SLIT2: variants seen among roughly 807,000 people sequenced by gnomAD.
The protein encoded by SLIT2 is slit guidance ligand 2, also known as slit homolog 2 protein.
Under a neutral mutation model 185.7 loss-of-function variants are expected in SLIT2, and 41 were observed. That is an observed-to-expected ratio of 0.22 (90% CI 0.17 to 0.29). The LOEUF is 0.29. Ranked by LOEUF, SLIT2 falls within the 10% of genes least tolerant of loss-of-function variation. The probability of loss-of-function intolerance (pLI) is 1.00; values close to 1 mark genes in which losing one functional copy is unlikely to be tolerated. For synonymous variants in SLIT2, 693 were observed against 680.2 expected, an observed-to-expected ratio of 1.02 and a Z score of -0.29; for missense variants, 1,571 against 1,909.0, an observed-to-expected ratio of 0.82 and a Z score of 3.30.
chr4:20,279,512 A>G (rs1008719809), intron 4 of SLIT2, among the ~76,000 whole-genome samples: 3 of 152,106 alleles, frequency 2.0e-5, no homozygotes, highest in Non-Finnish European at 4.4e-5. Context: ...GGTACAGACT[A>G]TTGATTCTAT....
rs367597996 is a variant in SLIT2, at chr4:20,515,765, T to TTA, written c.1059-3614_1059-3613dup. On this transcript the variant is annotated intron_variant, in intron 11 of 36. Coordinates refer to ENST00000504154, the MANE Select transcript of SLIT2 (RefSeq NM_004787.4). Reference sequence around the variant, plus strand: ...TAACACCTTTTTCATGATAGTCATCTTATAGGTTGCTGTTTTGGACATTTT... The same window carrying TTA: ...TAACACCTTTTTCATGATAGTCATCTTATATAGGTTGCTGTTTTGGACATTTT... Among the ~76,000 whole-genome samples the TTA allele has an allele frequency of 5.0e-3, 760 of 152,318 alleles. 5 individuals are homozygous for TTA. The highest frequency in any genetic ancestry group is 8.5e-3 in the Non-Finnish European group (575 of 68,030).
chr4:20,354,924 A>T (rs1056177851), intron 4 of SLIT2, among the ~76,000 whole-genome samples: 1 of 151,178 alleles, frequency 6.6e-6, no homozygotes, highest in East Asian at 2.0e-4. Context: ...AGAGAGAGAG[A>T]GAGAGAGAGA....
At chr4:20,472,524 C>A (rs370731965) in intron 5 of SLIT2, among the ~76,000 whole-genome samples, 31 of 7,648 alleles carry the variant, frequency 4.1e-3, no homozygotes, top group East Asian at 0.03. Flanking sequence ...AGATATATAT[C>A]TATATATAGA....
At position 20,283,115 on chromosome 4, in the gene SLIT2, C is replaced by CGT. The variant is rs1560281547; in HGVS notation, c.395+14235_395+14236insTG. On this transcript the variant is annotated intron_variant, in intron 4 of 36. Transcript: ENST00000504154. ...TGTGTTGCCTGTGTGCCTGTGTGCG[C>CGT]GCGCGCACACACACACACACACACA... Among the ~76,000 whole-genome samples, 15 of 123,118 alleles carry CGT rather than the reference C, an allele frequency of 1.2e-4. No individual in the cohort carries two copies. The East Asian group carries it at 6.0e-3, about 49-fold the overall frequency. The allele number at this position is 123,118 out of a possible 152,430, so 80.8% of individuals were successfully genotyped here. A position where few individuals can be genotyped will look rare whatever the true frequency, so the allele number is the denominator to read the frequency against.
chr4:20,465,323 A>G (rs1714217456), intron 4 of SLIT2, among the ~76,000 whole-genome samples: 1 of 152,212 alleles, frequency 6.6e-6, no homozygotes, highest in African/African-American at 2.4e-5. Flanking sequence ...TCTATTTTAC[A>G]AGGTGGTTAT....
chr4:20,612,708 G>A (rs1161304065), intron 34 of SLIT2, among the ~76,000 whole-genome samples: 1 of 152,112 alleles, frequency 6.6e-6, no homozygotes, highest in African/African-American at 2.4e-5. Context: ...ACGAGGTCAG[G>A]AGATTGAGAC....
At position 20,253,820 on chromosome 4, in the gene SLIT2, G is replaced by C. The variant is rs776064684; in HGVS notation, c.5G>C (p.Arg2Pro). 1.9e-6 allele frequency: 3 copies of C among 1,598,626 alleles called. No homozygotes were observed. Among genetic ancestry groups the C allele is most frequent in the Middle Eastern group, 3.3e-4 (2 of 6,034 alleles). Reference sequence around the variant, plus strand: ...GGAAGGAGGCGGCGGGGAAAGATGCGCGGCGTTGGCTGGCAGATGCTGTCC... The same window carrying C: ...GGAAGGAGGCGGCGGGGAAAGATGCCCGGCGTTGGCTGGCAGATGCTGTCC... MRGVGWQMLSLS... is the reference protein window; with the variant it reads MPGVGWQMLSLS... Residue 2 changes from arginine (R) to proline (P), a missense_variant, in exon 1 of 37, where the codon CGC becomes CCC. Physicochemically the swap from Arg to Pro is moderately radical, Grantham distance 103. Coordinates refer to ENST00000504154, the MANE Select transcript of SLIT2 (RefSeq NM_004787.4).
chr4:20,556,612 C>T (rs919276446), intron 26 of SLIT2, among the ~76,000 whole-genome samples: 1 of 152,000 alleles, frequency 6.6e-6, no homozygotes, highest in Non-Finnish European at 1.5e-5. Context: ...AATCCCAATT[C>T]TCTGAGACCC....
In SLIT2 at chr4:20,251,916, T is replaced by C. The variant is rs558920930; in HGVS notation, c.-1900T>C. 2.6e-5 allele frequency among the ~76,000 whole-genome samples: 4 copies of C among 152,036 alleles called. No individual in the cohort carries two copies. Among genetic ancestry groups the C allele is most frequent in the Admixed American group, 1.3e-4 (2 of 15,286 alleles). On this transcript the variant is annotated 5_prime_UTR_variant, in exon 1 of 37. Transcript: ENST00000504154. ...CGGCTCAACTTCGGACTTGGTGTTA[T>C]TTATTTGGGAAGCGCCCGGACGGCG...
At chr4:20,573,293 A>T in intron 29 of SLIT2, 1 of 702,880 alleles carries the variant, frequency 1.4e-6, no homozygotes, top group East Asian at 2.7e-5. Context: ...TATGATTTTC[A>T]TTTTAGTCTC....
intron 29 of SLIT2, 92 bp from the exon 30 acceptor site, chr4:20,589,552 C>G: frequency 2.1e-6 from 2 of 959,596 alleles, no homozygotes; most frequent in South Asian, 2.8e-5. Flanking sequence ...ACAAGCTGCC[C>G]TAACCTCTAA....
At chr4:20,295,367 G>T (rs1314400201) in intron 4 of SLIT2, among the ~76,000 whole-genome samples, 3 of 152,122 alleles carry the variant, frequency 2.0e-5, no homozygotes, top group Non-Finnish European at 4.4e-5. Flanking sequence ...TGGTAAAAAT[G>T]ATTTCCAAAT....
intron 4 of SLIT2, among the ~76,000 whole-genome samples, chr4:20,343,862 A>AT (rs1721167218): frequency 6.7e-6 from 1 of 148,758 alleles, no homozygotes; most frequent in African/African-American, 2.5e-5. Flanking sequence ...TATTAGTATT[A>AT]TTTTTTTGAG....
At chr4:20,289,953 G>A (rs942499666) in intron 4 of SLIT2, among the ~76,000 whole-genome samples, 1 of 152,136 alleles carries the variant, frequency 6.6e-6, no homozygotes, top group African/African-American at 2.4e-5. Context: ...CTCTGTCTGT[G>A]CTCCAGCTGC....
chr4:20,518,141 T>TATACA (rs1720394715), intron 11 of SLIT2, among the ~76,000 whole-genome samples: 2 of 141,672 alleles, frequency 1.4e-5, no homozygotes, highest in South Asian at 4.4e-4. Flanking sequence ...ATACATATAT[T>TATACA]TATATATATA....
intron 7 of SLIT2, among the ~76,000 whole-genome samples, chr4:20,487,735 TG>T (rs1717381048): frequency 6.6e-6 from 1 of 152,198 alleles, no homozygotes; most frequent in Non-Finnish European, 1.5e-5. Context: ...AGCAAAACAT[TG>T]TGTTCCTTAT....
At chr4:20,411,701 A>G (rs1298856207) in intron 4 of SLIT2, among the ~76,000 whole-genome samples, 1 of 152,242 alleles carries the variant, frequency 6.6e-6, no homozygotes, top group Non-Finnish European at 1.5e-5. Flanking sequence ...TGATCTTTAC[A>G]CTACATTAGA....
intron 3 of SLIT2, 122 bp from the exon 4 acceptor site, chr4:20,268,688 T>G (rs1384170204): frequency 1.4e-6 from 1 of 728,956 alleles, no homozygotes; most frequent in African/African-American, 1.7e-5. Context: ...AATGCTTGAA[T>G]TCTCCTGAAT....
intron 29 of SLIT2, among the ~76,000 whole-genome samples, chr4:20,588,769 TCA>T (rs1251488096): frequency 6.6e-6 from 1 of 152,174 alleles, no homozygotes; most frequent in East Asian, 1.9e-4. Context: ...AAAGAAATTA[TCA>T]GTCATGTGAT....
Sources: gnomAD v4.1 joint callset for allele counts (sites outside exome capture counted in the v4.1 genomes callset) on GRCh38, gnomAD v4.1.1 for gene constraint, MANE v1.5 for transcripts, NCBI Gene and HGNC (gene_info 2026-07-23, HGNC 2026-07-21) for gene names.